The following DUSP29 variants were observed in gnomAD, a reference collection of about 807,000 sequenced individuals.
DUSP29 encodes the protein atypical dual-specific protein phosphatase.
DUSP29 carries 12 observed loss-of-function variants against 13.5 expected under a neutral mutation model. The ratio of observed to expected loss-of-function variants is 0.89; its 90% CI spans 0.57 to 1.44. The LOEUF is 1.44. Ranked by LOEUF, DUSP29 falls within the 40% of genes most tolerant of loss-of-function variation. The probability of loss-of-function intolerance (pLI) is 0.00; values close to 1 mark genes in which losing one functional copy is unlikely to be tolerated. For missense variants in DUSP29, 308 were observed against 301.1 expected, an observed-to-expected ratio of 1.02 and a Z score of -0.17; for synonymous variants, 134 against 128.7, an observed-to-expected ratio of 1.04 and a Z score of -0.28.
chr10:75,049,518 C>A (rs561289943), intron 2 of DUSP29, among the ~76,000 whole-genome samples: 3 of 152,218 alleles, frequency 2.0e-5, no homozygotes, highest in Non-Finnish European at 4.4e-5. Context: ...CTTCTCTCCC[C>A]GACCGTCTTG....
chr10:75,066,217 GACC>G (rs2134305424), intron 1 of DUSP29, among the ~76,000 whole-genome samples: 1 of 152,320 alleles, frequency 6.6e-6, no homozygotes, highest in East Asian at 1.9e-4. Context: ...TGGGGCCAGA[GACC>G]ACCAAGTGAG....
chr10:75,057,380 G>T (rs778059348), intron 2 of DUSP29, among the ~76,000 whole-genome samples: 3 of 152,146 alleles, frequency 2.0e-5, no homozygotes, highest in Non-Finnish European at 2.9e-5. Flanking sequence ...GCTGGAGTCC[G>T]GGAGAGTGGA....
intron 1 of DUSP29, among the ~76,000 whole-genome samples, chr10:75,062,612 C>A (rs559692472): frequency 1.3e-5 from 2 of 152,134 alleles, no homozygotes; most frequent in Non-Finnish European, 2.9e-5. Context: ...AGTGTGGAAC[C>A]GTCCAGAAAC....
intron 1 of DUSP29, among the ~76,000 whole-genome samples, chr10:75,061,423 C>G (rs1188438193): frequency 6.6e-6 from 1 of 152,108 alleles, no homozygotes; most frequent in Non-Finnish European, 1.5e-5. Flanking sequence ...CAAAGGGGAC[C>G]CTCCTGTGAA....
intron 1 of DUSP29, among the ~76,000 whole-genome samples, chr10:75,071,179 T>C (rs1847321041): frequency 6.6e-6 from 1 of 152,254 alleles, no homozygotes; most frequent in African/African-American, 2.4e-5. Flanking sequence ...GAACACTTAG[T>C]ATTTGTGTCT....
At chr10:75,066,436 T>C (rs1847202817) in intron 1 of DUSP29, among the ~76,000 whole-genome samples, 1 of 151,852 alleles carries the variant, frequency 6.6e-6, no homozygotes, top group Non-Finnish European at 1.5e-5. Flanking sequence ...AAGCAGAAGT[T>C]TGTGAAGCAG....
intron 1 of DUSP29, among the ~76,000 whole-genome samples, chr10:75,061,289 G>C (rs752411574): frequency 6.6e-6 from 1 of 152,178 alleles, no homozygotes; most frequent in Non-Finnish European, 1.5e-5. Flanking sequence ...CAAGTCCATA[G>C]CAGATGACTT....
chr10:75,064,679 C>A (rs538746786), intron 1 of DUSP29, among the ~76,000 whole-genome samples: 11 of 152,190 alleles, frequency 7.2e-5, no homozygotes, highest in South Asian at 6.2e-4. Context: ...TTTTCTATTG[C>A]AAGGCTTGCA....
At chr10:75,057,872 G>A (rs12356806) in intron 2 of DUSP29, among the ~76,000 whole-genome samples, 1,572 of 152,278 alleles carry the variant, frequency 0.01, 13 homozygotes, top group Non-Finnish European at 0.017. Context: ...CTAGGGGCAG[G>A]GGAAGTCTGG....
At chr10:75,051,906 A>T (rs1300088308) in intron 2 of DUSP29, among the ~76,000 whole-genome samples, 1 of 152,224 alleles carries the variant, frequency 6.6e-6, no homozygotes, top group Non-Finnish European at 1.5e-5. Flanking sequence ...AGCGTCTGTG[A>T]GTCTCATTAA....
chr10:75,054,529 T>C (rs927602138), intron 2 of DUSP29, among the ~76,000 whole-genome samples: 3 of 152,190 alleles, frequency 2.0e-5, no homozygotes, highest in Non-Finnish European at 4.4e-5. Context: ...GTTACAATTA[T>C]ATAAAAACAA....
At chr10:75,062,168 C>T (rs574699878) in intron 1 of DUSP29, among the ~76,000 whole-genome samples, 41 of 152,334 alleles carry the variant, frequency 2.7e-4, no homozygotes, top group Admixed American at 2.4e-3. Flanking sequence ...AGTTATAGCC[C>T]TCCTTGCTTC....
intron 1 of DUSP29, among the ~76,000 whole-genome samples, chr10:75,063,860 T>A (rs772966726): frequency 2.0e-5 from 3 of 152,160 alleles, no homozygotes; most frequent in Non-Finnish European, 2.9e-5. Context: ...AATACAATTA[T>A]TATTTGTCAA....
intron 2 of DUSP29, among the ~76,000 whole-genome samples, chr10:75,050,184 C>G (rs1846796573): frequency 6.6e-6 from 1 of 152,196 alleles, no homozygotes; most frequent in Non-Finnish European, 1.5e-5. Flanking sequence ...ATTTCCCCTC[C>G]TGCTGACTAT....
At position 75,037,857 on chromosome 10, in the gene DUSP29, C is replaced by A; in HGVS notation, c.642G>T (p.Glu214Asp). 6.2e-7 allele frequency: 1 copy of A among 1,608,762 alleles called. No homozygotes were observed. Among genetic ancestry groups the A allele is most frequent in the Non-Finnish European group, 8.5e-7 (1 of 1,177,618 alleles). ...GGGCCTACAGCTCCCTGCCATCCTC[C>A]TCCTCACCGTCCTGGCGCTGGGACC... ...RRRSQRQDGE[E>D]EDGREL is the part of the protein sequence containing the mutation. Residue 214 changes from glutamate (E) to aspartate (D), a missense_variant, in exon 4 of 4, where the codon GAG becomes GAT. By Grantham distance (45) the Glu-to-Asp change is conservative. Transcript: ENST00000338487.
At chr10:75,063,938 C>T (rs182989950) in intron 1 of DUSP29, among the ~76,000 whole-genome samples, 2 of 152,130 alleles carry the variant, frequency 1.3e-5, no homozygotes, top group Non-Finnish European at 2.9e-5. Flanking sequence ...TGCAAGAGGC[C>T]GAGCAGTACT....
intron 2 of DUSP29, among the ~76,000 whole-genome samples, chr10:75,053,130 G>A (rs566702453): frequency 3.0e-4 from 46 of 152,310 alleles, no homozygotes; most frequent in Non-Finnish European, 5.6e-4. Context: ...CATTGCTGTG[G>A]CCGGCCACCA....
intron 3 of DUSP29, among the ~76,000 whole-genome samples, chr10:75,043,544 G>A (rs1198883754): frequency 6.6e-6 from 1 of 152,228 alleles, no homozygotes. Context: ...AACCTTCACA[G>A]CTTCCAGGGG....
At chr10:75,064,389 T>A (rs1382265866) in intron 1 of DUSP29, among the ~76,000 whole-genome samples, 3 of 152,052 alleles carry the variant, frequency 2.0e-5, no homozygotes, top group Non-Finnish European at 2.9e-5. Context: ...ATGCCTGTAG[T>A]CCCAGTGACT....
Sources: allele counts gnomAD v4.1 joint callset (sites outside exome capture counted in the v4.1 genomes callset), GRCh38; gene constraint gnomAD v4.1.1; transcripts MANE v1.5; gene names NCBI Gene and HGNC (gene_info 2026-07-23, HGNC 2026-07-21).